FYN: variants seen among roughly 807,000 people sequenced by gnomAD.
FYN encodes the protein tyrosine-protein kinase Fyn.
Under a neutral mutation model 70.2 loss-of-function variants are expected in FYN, and 10 were observed. That is an observed-to-expected ratio of 0.14 (90% CI 0.09 to 0.24). FYN has a LOEUF of 0.24. Among genes scored for constraint, FYN ranks in the 10% least tolerant of loss-of-function variants. The pLI, the probability that FYN is intolerant of heterozygous loss-of-function variation, is 1.00. For missense variants in FYN, 319 were observed against 673.1 expected (o/e 0.47, Z 5.82); for synonymous variants, 236 against 248.6 (o/e 0.95, Z 0.48).
At chr6:111,840,751 T>C (rs1177277735) in intron 2 of FYN, among the ~76,000 whole-genome samples, 2 of 152,194 alleles carry the variant, frequency 1.3e-5, no homozygotes, top group Non-Finnish European at 2.9e-5. Flanking sequence ...TTAAAAGTAT[T>C]TAGGGGCACT....
chr6:111,816,143 T>A (rs1305198742), intron 2 of FYN, among the ~76,000 whole-genome samples: 1 of 152,206 alleles, frequency 6.6e-6, no homozygotes, highest in Non-Finnish European at 1.5e-5. Context: ...TGATTTTTTT[T>A]AAGTACTCCT....
At chr6:111,864,543 C>T (rs1028924635) in intron 1 of FYN, among the ~76,000 whole-genome samples, 5 of 144,400 alleles carry the variant, frequency 3.5e-5, no homozygotes, top group African/African-American at 1.1e-4. Flanking sequence ...CTCAGCCTTA[C>T]GAATCAGGCT....
chr6:111,690,039 GA>G (rs1799243585), intron 12 of FYN, among the ~76,000 whole-genome samples: 1 of 152,286 alleles, frequency 6.6e-6, no homozygotes, highest in South Asian at 2.1e-4. Flanking sequence ...AGCTCATGAA[GA>G]AAAAACTAGA....
intron 3 of FYN, among the ~76,000 whole-genome samples, chr6:111,749,812 T>C (rs1429164481): frequency 6.6e-6 from 1 of 152,066 alleles, no homozygotes; most frequent in Non-Finnish European, 1.5e-5. Flanking sequence ...ATGTTCAAAA[T>C]ATATGTTCAA....
intron 2 of FYN, among the ~76,000 whole-genome samples, chr6:111,838,727 T>G (rs1773264768): frequency 6.6e-6 from 1 of 152,252 alleles, no homozygotes; most frequent in African/African-American, 2.4e-5. Context: ...GAACACCATC[T>G]TCCTCTCCAA....
At chr6:111,840,384 G>A (rs1487458427) in intron 2 of FYN, among the ~76,000 whole-genome samples, 1 of 152,186 alleles carries the variant, frequency 6.6e-6, no homozygotes, top group Non-Finnish European at 1.5e-5. Context: ...GAGGGCAGAG[G>A]CAGAGACTGG....
At chr6:111,713,430 G>A (rs1373773083) in intron 5 of FYN, among the ~76,000 whole-genome samples, 5 of 152,116 alleles carry the variant, frequency 3.3e-5, no homozygotes, top group African/African-American at 1.2e-4. Flanking sequence ...AGACTTGGTG[G>A]CATAGAAGAA....
intron 8 of FYN, among the ~76,000 whole-genome samples, chr6:111,701,139 C>T (rs1207895187): frequency 2.6e-5 from 4 of 152,138 alleles, no homozygotes; most frequent in Admixed American, 6.6e-5. Context: ...AGTTAACACT[C>T]GGAGGTTTTT....
At chr6:111,709,202 G>C (rs57386589) in intron 5 of FYN, 1 of 151,738 alleles carries the variant, frequency 6.6e-6, no homozygotes, top group Non-Finnish European at 1.5e-5. Context: ...AAAAAAAATC[G>C]TTCTTTTGGC....
chr6:111,712,208 A>C (rs1417634765), intron 5 of FYN, among the ~76,000 whole-genome samples: 1 of 152,246 alleles, frequency 6.6e-6, no homozygotes, highest in Non-Finnish European at 1.5e-5. Flanking sequence ...CAGTGTGGAC[A>C]AAGCCTCCTG....
chr6:111,777,289 G>C (rs1471580805), intron 3 of FYN, among the ~76,000 whole-genome samples: 1 of 152,110 alleles, frequency 6.6e-6, no homozygotes, highest in Admixed American at 6.6e-5. Flanking sequence ...TTTCCACTCT[G>C]ATGATTTTCT....
At chr6:111,714,226 C>T in intron 5 of FYN, 121 bp downstream of exon 5, 1 of 668,472 alleles carries the variant, frequency 1.5e-6, no homozygotes, top group Non-Finnish European at 2.7e-6. Context: ...TTGTTGTAAA[C>T]CAGTGAATTT....
At chr6:111,796,991 T>G (rs909472447) in intron 2 of FYN, among the ~76,000 whole-genome samples, 3 of 152,246 alleles carry the variant, frequency 2.0e-5, no homozygotes, top group African/African-American at 7.2e-5. Flanking sequence ...AACACCCACC[T>G]CAGTGCTTGG....
chr6:111,789,669 T>G (rs1329403229), intron 2 of FYN, among the ~76,000 whole-genome samples: 2 of 152,214 alleles, frequency 1.3e-5, no homozygotes, highest in Non-Finnish European at 2.9e-5. Flanking sequence ...CCCTGTCAGG[T>G]GATCACATCA....
intron 13 of FYN, 34 bp downstream of exon 13, chr6:111,674,465 T>C: frequency 6.3e-7 from 1 of 1,580,796 alleles, no homozygotes; most frequent in Non-Finnish European, 8.6e-7. Context: ...AAGCCTCCAA[T>C]CTCAGGCCCA....
At chr6:111,834,438 G>GT (rs1773115581) in intron 2 of FYN, among the ~76,000 whole-genome samples, 1 of 152,126 alleles carries the variant, frequency 6.6e-6, no homozygotes, top group African/African-American at 2.4e-5. Flanking sequence ...CTGACCCTCT[G>GT]TAGGGCCTTG....
At chr6:111,663,066 C>A (rs187586352) in intron 13 of FYN, among the ~76,000 whole-genome samples, 32 of 152,348 alleles carry the variant, frequency 2.1e-4, no homozygotes, top group Middle Eastern at 3.4e-3. Context: ...CTCCTCCCAA[C>A]TACTGCCAGC....
chr6:111,734,954 C>G (rs1214648226), intron 3 of FYN, among the ~76,000 whole-genome samples: 6 of 152,126 alleles, frequency 3.9e-5, no homozygotes, highest in Non-Finnish European at 7.3e-5. Context: ...AAGAGGGAGA[C>G]AGACAAGTAA....
In FYN at chr6:111,737,811, T is replaced by C. The variant is rs79809875; in HGVS notation, c.-11-17749A>G. On this transcript the variant is annotated intron_variant, in intron 3 of 13. Coordinates refer to ENST00000354650, the MANE Select transcript of FYN (RefSeq NM_002037.5). ...CCCATCCTCTAGACGTTTACTACTT[T>C]GGAGATTCCAAGGATTTTAGGAGCT... Among the ~76,000 whole-genome samples the C allele has an allele frequency of 1.7e-3, 265 of 152,332 alleles. 2 individuals carry two copies. The highest frequency in any genetic ancestry group is 6.1e-3 in the African/African-American group (255 of 41,572).
Sources: allele counts gnomAD v4.1 joint callset (sites outside exome capture counted in the v4.1 genomes callset), GRCh38; gene constraint gnomAD v4.1.1; transcripts MANE v1.5; gene names NCBI Gene and HGNC (gene_info 2026-07-23, HGNC 2026-07-21).